Variants in MEI1 observed in about 807,000 individuals in gnomAD.
MEI1 encodes the protein meiosis inhibitor protein 1.
MEI1 carries 103 observed loss-of-function variants against 146.2 expected under a neutral mutation model. The observed-to-expected ratio is 0.70, with a 90% CI of 0.60 to 0.83. The LOEUF is 0.83. Ranked by LOEUF, MEI1 falls within the 40% of genes least tolerant of loss-of-function variation. The pLI, the probability that MEI1 is intolerant of heterozygous loss-of-function variation, is 0.00. For missense variants in MEI1, 1,529 were observed against 1,533.0 expected (o/e 1.00, Z 0.04); for synonymous variants, 652 against 628.2 (o/e 1.04, Z -0.57).
intron 15 of MEI1, among the ~76,000 whole-genome samples, chr22:41,750,418 G>A (rs1038509983): frequency 2.6e-5 from 4 of 152,220 alleles, no homozygotes; most frequent in Non-Finnish European, 5.9e-5. Flanking sequence ...TTGGCTTCAT[G>A]GCAGCTTTTG....
chr22:41,790,984 G>T (rs2076161653), intron 26 of MEI1, among the ~76,000 whole-genome samples: 1 of 152,166 alleles, frequency 6.6e-6, no homozygotes, highest in South Asian at 2.1e-4. Context: ...AGGGTGTCTA[G>T]GCAGAGGTAT....
intron 3 of MEI1, among the ~76,000 whole-genome samples, chr22:41,711,782 T>C (rs975483815): frequency 8.5e-5 from 13 of 152,114 alleles, no homozygotes; most frequent in Non-Finnish European, 1.9e-4. Context: ...CCACAAATGA[T>C]TGTAGAGAAG....
At chr22:41,732,183 G>T (rs543383580) in intron 9 of MEI1, 62 bp from the exon 10 acceptor site, 1 of 1,316,308 alleles carries the variant, frequency 7.6e-7, no homozygotes, top group Admixed American at 2.0e-5. Flanking sequence ...CCTCTTCTGG[G>T]TGGGCAGTGA....
intron 6 of MEI1, among the ~76,000 whole-genome samples, chr22:41,719,234 G>A (rs1192120210): frequency 6.6e-6 from 1 of 152,048 alleles, no homozygotes; most frequent in Admixed American, 6.6e-5. Context: ...CACCCGCCTT[G>A]GCTCCCAAAG....
rs1569125064 is a variant in MEI1, at chr22:41,699,563, G to C, written c.25G>C (p.Ala9Pro). 9 of 1,612,184 alleles carry C rather than the reference G, an allele frequency of 5.6e-6. No homozygotes were observed. Among genetic ancestry groups the C allele is most frequent in the Non-Finnish European group, 7.6e-6 (9 of 1,179,168 alleles). Residue 9 changes from alanine (A) to proline (P), a missense_variant, in exon 1 of 31, where the codon GCG becomes CCG. Physicochemically the swap from Ala to Pro is conservative, Grantham distance 27. Transcript: ENST00000401548. MAVRQAAT[A>P]GTPGPRREEE... ...GATGGCTGTGAGGCAGGCGGCGACGGCGGGCACTCCCGGGCCCAGGAGAGA... is the reference window on the plus strand; with the variant it reads ...GATGGCTGTGAGGCAGGCGGCGACGCCGGGCACTCCCGGGCCCAGGAGAGA...
At chr22:41,753,131 G>T (rs193224410) in intron 16 of MEI1, among the ~76,000 whole-genome samples, 2 of 151,702 alleles carry the variant, frequency 1.3e-5, no homozygotes, top group East Asian at 1.9e-4. Flanking sequence ...CAATTCTCCT[G>T]CCTCAGCACC....
chr22:41,786,567 T>G (rs760638), intron 26 of MEI1, among the ~76,000 whole-genome samples: 152,221 of 152,330 alleles, frequency 1, 76,057 homozygotes, highest in Middle Eastern at 1. Flanking sequence ...ATATCCTCTA[T>G]GGAAAAAAGA....
chr22:41,747,718 AC>A (rs930915101), intron 14 of MEI1, among the ~76,000 whole-genome samples: 9 of 130,378 alleles, frequency 6.9e-5, no homozygotes, highest in Admixed American at 3.3e-4. Flanking sequence ...AATAAAAAAA[AC>A]CCCACCCCCA....
At chr22:41,760,331 T>TA (rs907380986) in intron 18 of MEI1, among the ~76,000 whole-genome samples, 8 of 146,470 alleles carry the variant, frequency 5.5e-5, no homozygotes, top group Non-Finnish European at 1.1e-4. Flanking sequence ...AAAAAAAGAA[T>TA]AAAAAAAATA....
At chr22:41,765,883 C>CTTTTT (rs1013045266) in intron 19 of MEI1, among the ~76,000 whole-genome samples, 3 of 86,096 alleles carry the variant, frequency 3.5e-5, no homozygotes, top group Admixed American at 1.3e-4. Flanking sequence ...CCAAAATGTT[C>CTTTTT]TTTTTTTTTT....
chr22:41,732,232 C>G lies in MEI1; in HGVS notation c.1097-13C>G. 6.3e-7 allele frequency: 1 copy of G among 1,597,466 alleles called. No individual in the cohort carries two copies. The highest frequency in any genetic ancestry group is 8.5e-7 in the Non-Finnish European group (1 of 1,170,792). On this transcript the variant is annotated splice_polypyrimidine_tract_variant and intron_variant, in intron 9 of 30. Coordinates refer to ENST00000401548, the MANE Select transcript of MEI1 (RefSeq NM_152513.4). ...CACTGATCCCTGGCCTCTGTCATGTCATCCTGTGGTAGGGATCGAGGCAGT... is the reference window on the plus strand; with the variant it reads ...CACTGATCCCTGGCCTCTGTCATGTGATCCTGTGGTAGGGATCGAGGCAGT...
At position 41,699,723 on chromosome 22, in the gene MEI1, A is replaced by T. The variant is rs1209786534; in HGVS notation, c.174+11A>T. 1 of 1,549,578 alleles carries T rather than the reference A, an allele frequency of 6.5e-7. No individual in the cohort carries two copies. Among genetic ancestry groups the T allele is most frequent in the Non-Finnish European group, 8.7e-7 (1 of 1,149,108 alleles). On this transcript the variant is annotated intron_variant, in intron 1 of 30. Transcript: ENST00000401548. ...GACCCCGGCGTGTCGGTGCGGGCGG[A>T]ACCTTTTCTTCAGAAGACCTGGGTT... is the stretch of plus-strand genomic sequence containing the variant.
chr22:41,720,018 C>T (rs1443105947), intron 6 of MEI1, among the ~76,000 whole-genome samples: 1 of 152,132 alleles, frequency 6.6e-6, no homozygotes, highest in Non-Finnish European at 1.5e-5. Context: ...GCTCTGAGGT[C>T]ACAGAGATGA....
intron 19 of MEI1, among the ~76,000 whole-genome samples, chr22:41,764,701 C>T (rs2074727962): frequency 6.6e-6 from 1 of 152,182 alleles, no homozygotes; most frequent in Admixed American, 6.5e-5. Flanking sequence ...CTTGTCCACA[C>T]ACAACCACCA....
At position 41,699,791 on chromosome 22, in the gene MEI1, C is replaced by A. The variant is rs182720496; in HGVS notation, c.174+79C>A. ...AAACGCGGCCAGGCCCTTGCCAGAC[C>A]CGCTCCGGTGAACCCGACGCGAAAC... On this transcript the variant is annotated intron_variant, in intron 1 of 30. Transcript: ENST00000401548. The A allele has an allele frequency of 1.5e-4, 217 of 1,453,980 alleles. 1 individual carries two copies. The African/African-American group carries it at 2.8e-3, about 19-fold the overall frequency. 90.1% of individuals were successfully genotyped at this position (1,453,980 alleles called of 1,614,324 possible). A position where few individuals can be genotyped will look rare whatever the true frequency, so the allele number is the denominator to read the frequency against.
At chr22:41,751,745 C>G (rs5758455) in intron 15 of MEI1, among the ~76,000 whole-genome samples, 1 of 136,674 alleles carries the variant, frequency 7.3e-6, no homozygotes, top group Non-Finnish European at 1.5e-5. Flanking sequence ...GCACTCTAGT[C>G]TGGGCAACAA....
intron 7 of MEI1, among the ~76,000 whole-genome samples, chr22:41,729,182 A>AAAT (rs1428497206): frequency 3.3e-5 from 5 of 149,642 alleles, no homozygotes; most frequent in South Asian, 2.1e-4. Flanking sequence ...AAAAAAAAAA[A>AAAT]AGGTACCAGG....
Position 41,743,158 on chromosome 22 carries a change from G to C in MEI1, c.1410G>C (p.Ala470=), listed in dbSNP as rs372253724. 1.1e-4 allele frequency: 172 copies of C among 1,613,090 alleles called. 1 individual carries two copies. Among genetic ancestry groups the C allele is most frequent in the East Asian group, 4.5e-5 (2 of 44,896 alleles). ...ALLEAMLNRC[A]EFSQTLLSRR... The stretch of plus-strand genomic sequence containing the variant: ...TAGAAGCCATGCTAAACCGATGTGC[G>C]GAGTTTTCCCAGACCTTGCTGAGCA... The change falls in exon 12 of 31, where the codon GCG becomes GCC. Residue 470 remains alanine, a synonymous_variant. Coordinates refer to ENST00000401548, the MANE Select transcript of MEI1 (RefSeq NM_152513.4).
At chr22:41,710,713 C>T (rs2069475334) in intron 3 of MEI1, among the ~76,000 whole-genome samples, 1 of 152,160 alleles carries the variant, frequency 6.6e-6, no homozygotes, top group Admixed American at 6.5e-5. Context: ...GTGCAGAATA[C>T]CATGATATTG....
Sources: allele counts gnomAD v4.1 joint callset (sites outside exome capture counted in the v4.1 genomes callset), GRCh38; gene constraint gnomAD v4.1.1; transcripts MANE v1.5; gene names NCBI Gene and HGNC (gene_info 2026-07-23, HGNC 2026-07-21).